Variants in PACS2 observed in about 807,000 individuals in gnomAD.
PACS2 encodes PACS1-like protein.
A neutral mutation model predicts 113.0 loss-of-function variants in PACS2; 36 were observed. That is an observed-to-expected ratio of 0.32 (90% CI 0.24 to 0.42). The LOEUF is 0.42. Among genes scored for constraint, PACS2 ranks in the 10% least tolerant of loss-of-function variants. PACS2 has a pLI of 1.00. For missense variants in PACS2, 1,015 were observed against 1,239.5 expected, an observed-to-expected ratio of 0.82 and a Z score of 2.72; for synonymous variants, 589 against 536.1, an observed-to-expected ratio of 1.10 and a Z score of -1.36.
Position 105,393,352 on chromosome 14 carries a change from C to T in PACS2, c.2596+17C>T. 6.3e-7 allele frequency: 1 copy of T among 1,577,428 alleles called. No individual in the cohort carries two copies. Among genetic ancestry groups the T allele is most frequent in the Non-Finnish European group, 8.7e-7 (1 of 1,153,260 alleles). On this transcript the variant is annotated intron_variant, in intron 24 of 24. Transcript: ENST00000447393. ...TGCTGCGGGGTGAGCACCACCGGCC[C>T]CGGGGTCTGTAGAGTGGGACGTAGG...
At chr14:105,321,995 GT>G (rs1454616003) in intron 1 of PACS2, among the ~76,000 whole-genome samples, 1 of 151,318 alleles carries the variant, frequency 6.6e-6, no homozygotes, top group Non-Finnish European at 1.5e-5. Flanking sequence ...CTGGAGTACA[GT>G]CGTGCAATCT....
At chr14:105,309,985 T>G (rs2058303121), upstream of PACS2, among the ~76,000 whole-genome samples, 1 of 151,132 alleles carries the variant, frequency 6.6e-6, no homozygotes, top group Non-Finnish European at 1.5e-5. This position sits in a 1 kb window ranked among gnomAD's most constrained non-coding sequence, Gnocchi z 4.0. Context: ...GGGGTTTCAG[T>G]GTATTGGTCA....
rs2059683771 is a variant in PACS2, at chr14:105,340,538, C to G, written c.120-7955C>G. 6.6e-6 allele frequency among the ~76,000 whole-genome samples: 1 copy of G among 152,194 alleles called. No individual in the cohort carries two copies. Among genetic ancestry groups the G allele is most frequent in the Admixed American group, 6.5e-5 (1 of 15,280 alleles). Reference sequence around the variant, plus strand: ...TCATAAGCAGCGTGCAGCCTGGATCCCTCGCGTGCACAGTTACAATAGGGT... The same window carrying G: ...TCATAAGCAGCGTGCAGCCTGGATCGCTCGCGTGCACAGTTACAATAGGGT... On this transcript the variant is annotated intron_variant, in intron 1 of 24. Transcript: ENST00000447393. The surrounding 1 kb of genome is among the most constrained non-coding windows in gnomAD (Gnocchi z 4.2).
rs1327199589 is a variant in PACS2, at chr14:105,365,211, A to G, written c.424-2002A>G. On this transcript the variant is annotated intron_variant, in intron 4 of 24. Transcript: ENST00000447393. This position sits in a 1 kb window ranked among gnomAD's most constrained non-coding sequence, Gnocchi z 5.1. ...CAGGGGCAGGAGTGGGAATGGCCACAGTCCAGGACAGTGACCTGCCGGCCA... is the reference window on the plus strand; with the variant it reads ...CAGGGGCAGGAGTGGGAATGGCCACGGTCCAGGACAGTGACCTGCCGGCCA... 6.6e-6 allele frequency among the ~76,000 whole-genome samples: 1 copy of G among 152,154 alleles called. No individual in the cohort carries two copies. Among genetic ancestry groups the G allele is most frequent in the Non-Finnish European group, 1.5e-5 (1 of 68,012 alleles).
chr14:105,359,656 A>G (rs1389071507), intron 4 of PACS2, among the ~76,000 whole-genome samples: 5 of 147,572 alleles, frequency 3.4e-5, no homozygotes, highest in Non-Finnish European at 7.4e-5. Flanking sequence ...CAGTGCCGCA[A>G]TCTCAGCTCA....
rs921798390 is a variant in PACS2 at position 105,365,686 on chromosome 14, C to T, written c.424-1527C>T. On this transcript the variant is annotated intron_variant, in intron 4 of 24. Coordinates refer to ENST00000447393, the MANE Select transcript of PACS2 (RefSeq NM_001100913.3). The surrounding 1 kb of genome is among the most constrained non-coding windows in gnomAD (Gnocchi z 5.1). ...CTCCGGGACCCCAGCCCGGCAGCCCCCTCCCCTCTGAGCTCATTTTACTGG... is the reference window on the plus strand; with the variant it reads ...CTCCGGGACCCCAGCCCGGCAGCCCTCTCCCCTCTGAGCTCATTTTACTGG... 1.3e-5 allele frequency among the ~76,000 whole-genome samples: 2 copies of T among 152,182 alleles called. No homozygotes were observed. Among genetic ancestry groups the T allele is most frequent in the African/African-American group, 4.8e-5 (2 of 41,440 alleles).
chr14:105,310,082 C>T (rs1362678901), upstream of PACS2, among the ~76,000 whole-genome samples: 1 of 151,916 alleles, frequency 6.6e-6, no homozygotes, highest in Non-Finnish European at 1.5e-5. Context: ...CCGCACCCAG[C>T]CATGTGCATC....
At chr14:105,346,494 A>G (rs1401679247) in intron 1 of PACS2, among the ~76,000 whole-genome samples, 2 of 13,066 alleles carry the variant, frequency 1.5e-4, no homozygotes, top group Non-Finnish European at 3.1e-4. Flanking sequence ...CATCCCCCCC[A>G]CCGCCTGCAC....
Position 105,357,944 on chromosome 14 carries a change from G to A in PACS2, c.423+2767G>A, listed in dbSNP as rs2141070018. Among the ~76,000 whole-genome samples, 1 of 152,340 alleles carries A rather than the reference G, an allele frequency of 6.6e-6. No homozygotes were observed. Among genetic ancestry groups the A allele is most frequent in the Admixed American group, 6.5e-5 (1 of 15,304 alleles). The stretch of plus-strand genomic sequence containing the variant: ...GCTGTTGGGCGGACTCGAGGCCAGG[G>A]CTGAGAGTGTGGTGGGAGAGGATGT... On this transcript the variant is annotated intron_variant, in intron 4 of 24. Transcript: ENST00000447393. The surrounding 1 kb of genome is among the most constrained non-coding windows in gnomAD (Gnocchi z 5.1).
chr14:105,314,501 CGT>C (rs1434534125), upstream of PACS2: 1 of 148,184 alleles, frequency 6.7e-6, no homozygotes, highest in Non-Finnish European at 1.5e-5. Flanking sequence ...TGCGCAGGCG[CGT>C]GAGTGCGCGC....
chr14:105,346,197 C>T (rs1458342116), intron 1 of PACS2, among the ~76,000 whole-genome samples: 1 of 152,146 alleles, frequency 6.6e-6, no homozygotes, highest in Non-Finnish European at 1.5e-5. Context: ...TTAAATACAT[C>T]GAACTTGGAA....
upstream of PACS2, among the ~76,000 whole-genome samples, chr14:105,314,228 G>A (rs1211652349): frequency 1.3e-5 from 2 of 151,820 alleles, no homozygotes; most frequent in Non-Finnish European, 1.5e-5. Flanking sequence ...CGCACAGCCG[G>A]GCCAACCCAG....
rs2059262997 is a variant in PACS2, at chr14:105,330,399, G to A, written c.119+15362G>A. On this transcript the variant is annotated intron_variant, in intron 1 of 24. Coordinates refer to ENST00000447393, the MANE Select transcript of PACS2 (RefSeq NM_001100913.3). This position sits in a 1 kb window ranked among gnomAD's most constrained non-coding sequence, Gnocchi z 6.9. ...AACGGGGGACAGGAGGTTGTGAAGG[G>A]CGTGTGGGTTCCGGGAGGCTCACTA... 6.6e-6 allele frequency among the ~76,000 whole-genome samples: 1 copy of A among 152,166 alleles called. No homozygotes were observed. Among genetic ancestry groups the A allele is most frequent in the Non-Finnish European group, 1.5e-5 (1 of 68,020 alleles).
At chr14:105,353,825 T>C (rs1412605027) in intron 3 of PACS2, among the ~76,000 whole-genome samples, 1 of 152,084 alleles carries the variant, frequency 6.6e-6, no homozygotes, top group Non-Finnish European at 1.5e-5. Flanking sequence ...AACTCCTGAC[T>C]GCATGATCTG....
rs587737777 is a variant in PACS2, at chr14:105,317,308, G to C, written c.119+2271G>C. Reference sequence around the variant, plus strand: ...TGGACATCGTGTGCCAGTCTTCTGCGTGTGTCTTTCTGGATGGGCAGGGCC... The same window carrying C: ...TGGACATCGTGTGCCAGTCTTCTGCCTGTGTCTTTCTGGATGGGCAGGGCC... On this transcript the variant is annotated intron_variant, in intron 1 of 24. Coordinates refer to ENST00000447393, the MANE Select transcript of PACS2 (RefSeq NM_001100913.3). The surrounding 1 kb of genome is among the most constrained non-coding windows in gnomAD (Gnocchi z 4.2). 2.6e-5 allele frequency among the ~76,000 whole-genome samples: 4 copies of C among 152,092 alleles called. No homozygotes were observed. The highest frequency in any genetic ancestry group is 2.0e-4 in the Admixed American group (3 of 15,276).
intron 3 of PACS2, 131 bp downstream of exon 3, chr14:105,352,598 C>T (rs1443904090): frequency 6.9e-6 from 4 of 580,132 alleles, no homozygotes; most frequent in African/African-American, 2.1e-5. Flanking sequence ...CCCCCCTCAT[C>T]AGTGTCCCCT....
chr14:105,391,906 A>G (rs1555415027), intron 22 of PACS2, 140 bp downstream of exon 22: 2 of 860,888 alleles, frequency 2.3e-6, no homozygotes, highest in Middle Eastern at 2.2e-4. Flanking sequence ...GCTCTGCAGG[A>G]CGGCTGGGTC....
At chr14:105,338,641 C>T (rs2059614354) in intron 1 of PACS2, among the ~76,000 whole-genome samples, 1 of 152,162 alleles carries the variant, frequency 6.6e-6, no homozygotes, top group African/African-American at 2.4e-5. Flanking sequence ...GGTCATCTGC[C>T]CCAGGGCCAG....
intron 1 of PACS2, among the ~76,000 whole-genome samples, chr14:105,338,493 C>T (rs969991697): frequency 1.3e-5 from 2 of 152,170 alleles, no homozygotes; most frequent in African/African-American, 4.8e-5. Context: ...GACCTATTGA[C>T]CCTGCCACAG....
Sources: gnomAD v4.1 joint callset for allele counts (sites outside exome capture counted in the v4.1 genomes callset) on GRCh38, gnomAD v4.1.1 for gene constraint, Gnocchi (gnomAD v3.1) non-coding constraint, MANE v1.5 for transcripts, NCBI Gene and HGNC (gene_info 2026-07-23, HGNC 2026-07-21) for gene names.